Variants in AKR1C3 observed in about 807,000 individuals in gnomAD.
AKR1C3 encodes 3-alpha hydroxysteroid dehydrogenase, type II.
Under a neutral mutation model 43.6 loss-of-function variants are expected in AKR1C3, and 48 were observed. The observed-to-expected ratio is 1.10, with a 90% CI of 0.87 to 1.40. The LOEUF is 1.40. Ranked by LOEUF, AKR1C3 falls within the 40% of genes most tolerant of loss-of-function variation. The probability of loss-of-function intolerance (pLI) is 0.00; values close to 1 mark genes in which losing one functional copy is unlikely to be tolerated. For synonymous variants in AKR1C3, 162 were observed against 139.6 expected (o/e 1.16, Z -1.13); for missense variants, 482 against 391.2 (o/e 1.23, Z -1.96).
chr10:5,059,647 G>C (rs1277754917), intron 1 of AKR1C3, among the ~76,000 whole-genome samples: 1 of 152,116 alleles, frequency 6.6e-6, no homozygotes, highest in Non-Finnish European at 1.5e-5. Flanking sequence ...CTTTTAACTG[G>C]CTGACAGGTG....
intron 7 of AKR1C3, 125 bp downstream of exon 7, chr10:5,102,775 TG>T: frequency 6.7e-7 from 1 of 1,500,008 alleles, no homozygotes; most frequent in East Asian, 2.4e-5. Flanking sequence ...ATGAATGCTT[TG>T]CGTGCATCCT....
rs567831575 is a variant in AKR1C3, at chr10:5,087,809, C to T, written c.85-8601C>T. ...TTGATCCTTTATACCTATTTTTTTT[C>T]TTGTCTCAATTTCATTTAGTTATGG... On this transcript the variant is annotated intron_variant, in intron 1 of 8. Transcript: ENST00000439082. Among the ~76,000 whole-genome samples the T allele has an allele frequency of 1.4e-4, 21 of 148,948 alleles. No individual in the cohort carries two copies. The East Asian group carries it at 2.6e-3, about 18-fold the overall frequency.
Position 5,099,362 on chromosome 10 carries a change from G to T in AKR1C3, c.483G>T (p.Lys161Asn). The T allele has an allele frequency of 6.2e-7, 1 of 1,614,176 alleles. No homozygotes were observed. Residue 161 changes from lysine to asparagine, a missense_variant, in exon 5 of 9, where the codon AAG (lysine) becomes AAT (asparagine). Physicochemically the swap from Lys to Asn is moderately conservative, Grantham distance 94. Transcript: ENST00000380554. ...MEKCKDAGLA[K>N]SIGVSNFNRR... ...AGTGTAAGGATGCAGGATTGGCCAA[G>T]TCCATTGGGGTGTCAAACTTCAACC... is the stretch of plus-strand genomic sequence containing the variant.
At chr10:5,077,667 G>C (rs1223666579) in intron 1 of AKR1C3, 3 of 1,090,288 alleles carry the variant, frequency 2.8e-6, no homozygotes, top group Non-Finnish European at 3.3e-6. Context: ...TTAGTAAAAT[G>C]GCAGGATGGT....
chr10:5,106,290 G>C (rs1839498576), intron 8 of AKR1C3, among the ~76,000 whole-genome samples: 1 of 152,138 alleles, frequency 6.6e-6, no homozygotes, highest in Admixed American at 6.6e-5. Context: ...GCAATATGGA[G>C]CTCTCAAGGC....
At chr10:5,072,096 G>A (rs1554781377) in intron 1 of AKR1C3, among the ~76,000 whole-genome samples, 1 of 152,144 alleles carries the variant, frequency 6.6e-6, no homozygotes, top group African/African-American at 2.4e-5. Context: ...GCTACAGACA[G>A]GTGGGAATGA....
At chr10:5,051,604 T>A (rs186251544) in intron 1 of AKR1C3, among the ~76,000 whole-genome samples, 11 of 152,334 alleles carry the variant, frequency 7.2e-5, no homozygotes, top group Admixed American at 2.0e-4. Context: ...GCAGTTCATA[T>A]CACGCATTAT....
chr10:5,100,671 TGTGAAGTGTA>T (rs1330095731), intron 5 of AKR1C3, among the ~76,000 whole-genome samples: 4 of 152,222 alleles, frequency 2.6e-5, no homozygotes, highest in Non-Finnish European at 1.5e-5. Context: ...ACCATTGAAA[TGTGAAGTGTA>T]TAAAATTTGT....
intron 1 of AKR1C3, among the ~76,000 whole-genome samples, chr10:5,056,902 G>A (rs1266607918): frequency 6.6e-6 from 1 of 152,178 alleles, no homozygotes; most frequent in African/African-American, 2.4e-5. Flanking sequence ...TTCCTCGGAT[G>A]GTAACAGACC....
intron 3 of AKR1C3, chr10:5,098,115 C>T: frequency 3.0e-6 from 3 of 986,554 alleles, no homozygotes; most frequent in Non-Finnish European, 3.6e-6. Context: ...TTTAAAGTTA[C>T]AGAAAACTAC....
intron 1 of AKR1C3, among the ~76,000 whole-genome samples, chr10:5,087,325 A>G (rs1838989428): frequency 6.7e-6 from 1 of 150,162 alleles, no homozygotes; most frequent in Non-Finnish European, 1.5e-5. Flanking sequence ...GGAGTCACTG[A>G]TACTCTCTTG....
chr10:5,050,786 A>ATCATG, intron 1 of AKR1C3, among the ~76,000 whole-genome samples: 1 of 152,184 alleles, frequency 6.6e-6, no homozygotes, highest in East Asian at 1.9e-4. Flanking sequence ...ATATTCCTGG[A>ATCATG]TATTGGACCC....
intron 1 of AKR1C3, chr10:5,078,008 A>G: frequency 1.5e-6 from 1 of 682,002 alleles, no homozygotes; most frequent in South Asian, 1.6e-5. Context: ...AAGATGTGAC[A>G]TTGTCAGTGA....
In AKR1C3 at chr10:5,107,588, TATCACCTCTACTTAA is replaced by T. The variant is rs1839541061; in HGVS notation, c.*89_*103del. 2 of 1,076,428 alleles carry T rather than the reference TATCACCTCTACTTAA, an allele frequency of 1.9e-6. No individual in the cohort carries two copies. Among genetic ancestry groups the T allele is most frequent in the Non-Finnish European group, 2.8e-6 (2 of 710,758 alleles). 66.7% of individuals were successfully genotyped at this position (1,076,428 alleles called of 1,614,324 possible). The stretch of plus-strand genomic sequence containing the variant: ...ACGTCTCTATGCCGGTGACTGGACA[TATCACCTCTACTTAA>T]ATCCGTCCTGTTTAGCGACTTCAGT... On this transcript the variant is annotated 3_prime_UTR_variant, in exon 9 of 9. Coordinates refer to ENST00000380554, the MANE Select transcript of AKR1C3 (RefSeq NM_003739.6).
At chr10:5,091,333 T>G (rs1266358413), upstream of AKR1C3, among the ~76,000 whole-genome samples, 1 of 152,138 alleles carries the variant, frequency 6.6e-6, no homozygotes, top group South Asian at 2.1e-4. Flanking sequence ...AAATTAATTT[T>G]CTCGAAGTTC....
At chr10:5,083,643 C>A (rs368276306) in intron 1 of AKR1C3, among the ~76,000 whole-genome samples, 2 of 150,546 alleles carry the variant, frequency 1.3e-5, no homozygotes, top group African/African-American at 5.0e-5. Context: ...GATCCCTGAG[C>A]AATCGCCACA....
In AKR1C3 at chr10:5,094,435, G is replaced by C. The variant is rs1554784824; in HGVS notation, c.-10G>C. 1 of 1,607,972 alleles carries C rather than the reference G, an allele frequency of 6.2e-7. No homozygotes were observed. Among genetic ancestry groups the C allele is most frequent in the African/African-American group, 1.3e-5 (1 of 74,746 alleles). ...CAGCAAACATTTGCTAGTCAGACAA[G>C]TGACAGGGAATGGATTCCAAACACC... On this transcript the variant is annotated 5_prime_UTR_variant, in exon 1 of 9. Coordinates refer to ENST00000380554, the MANE Select transcript of AKR1C3 (RefSeq NM_003739.6).
Position 5,107,676 on chromosome 10 carries a change from T to C in AKR1C3, c.*173T>C. On this transcript the variant is annotated 3_prime_UTR_variant, in exon 9 of 9. Coordinates refer to ENST00000380554, the MANE Select transcript of AKR1C3 (RefSeq NM_003739.6). ...CCAGAAAGACAATAAATTTTTATCATTTTGAAATAATTGAATGTTTTCTCA... is the reference window on the plus strand; with the variant it reads ...CCAGAAAGACAATAAATTTTTATCACTTTGAAATAATTGAATGTTTTCTCA... 3.6e-6 allele frequency: 2 copies of C among 562,254 alleles called. No homozygotes were observed. The highest frequency in any genetic ancestry group is 2.4e-5 in the South Asian group (1 of 41,710). 34.8% of individuals were successfully genotyped at this position (562,254 alleles called of 1,614,324 possible).
intron 1 of AKR1C3, among the ~76,000 whole-genome samples, chr10:5,087,962 A>C (rs1334193706): frequency 6.6e-6 from 1 of 152,074 alleles, no homozygotes; most frequent in Non-Finnish European, 1.5e-5. Flanking sequence ...AGGGTTTAAC[A>C]CTATAAATTT....
Sources: gnomAD v4.1 joint callset for allele counts (sites outside exome capture counted in the v4.1 genomes callset) on GRCh38, gnomAD v4.1.1 for gene constraint, MANE v1.5 for transcripts, NCBI Gene and HGNC (gene_info 2026-07-23, HGNC 2026-07-21) for gene names.